Variants in LPIN1 observed in about 807,000 individuals in gnomAD.
LPIN1 encodes the protein phosphatidate phosphatase LPIN1.
A neutral mutation model predicts 107.5 loss-of-function variants in LPIN1; 71 were observed. That is an observed-to-expected ratio of 0.66 (90% CI 0.55 to 0.80). The LOEUF is 0.80. Ranked by LOEUF, LPIN1 falls within the 30% of genes least tolerant of loss-of-function variation. LPIN1 has a pLI of 0.00. For synonymous variants in LPIN1, 445 were observed against 452.6 expected, an observed-to-expected ratio of 0.98 and a Z score of 0.21; for missense variants, 1,043 against 1,160.6, an observed-to-expected ratio of 0.90 and a Z score of 1.47.
At chr2:11,772,406 T>A (rs1296903896) in intron 4 of LPIN1, among the ~76,000 whole-genome samples, 1 of 152,214 alleles carries the variant, frequency 6.6e-6, no homozygotes, top group Middle Eastern at 3.2e-3. Flanking sequence ...GGCTGATCGC[T>A]TTAGCAGCCT....
At chr2:11,788,627 G>T (rs1182391669) in intron 12 of LPIN1, among the ~76,000 whole-genome samples, 171 bp downstream of exon 12, 2 of 152,204 alleles carry the variant, frequency 1.3e-5, no homozygotes. Context: ...CTTGCACCTT[G>T]CACGTGGTTG....
chr2:11,726,870 G>A lies in LPIN1; in HGVS notation c.-72+2331G>A, dbSNP rs949243987. 5.3e-5 allele frequency among the ~76,000 whole-genome samples: 8 copies of A among 152,198 alleles called. 1 individual carries two copies. In the South Asian group the frequency reaches 6.2e-4, roughly 12 times the overall value. The stretch of plus-strand genomic sequence containing the variant: ...TTCATGATCTTGACACTTTTGAAGC[G>A]TGCTTGTCAGTCATCTTGTTAGAGG... On this transcript the variant is annotated intron_variant, in intron 1 of 21. Transcript: ENST00000396097.
At chr2:11,762,381 G>A (rs543916315) in intron 1 of LPIN1, among the ~76,000 whole-genome samples, 5 of 149,332 alleles carry the variant, frequency 3.3e-5, no homozygotes, top group East Asian at 2.0e-4. Context: ...TTAACTCATC[G>A]GCCATTGATT....
chr2:11,693,811 TA>T (rs1558723645), intron 1 of LPIN1, among the ~76,000 whole-genome samples: 43 of 35,786 alleles, frequency 1.2e-3, no homozygotes, highest in Non-Finnish European at 1.8e-3. Flanking sequence ...TATATATATA[TA>T]TATATATATA....
intron 1 of LPIN1, among the ~76,000 whole-genome samples, chr2:11,753,455 T>G (rs1668172436): frequency 6.6e-6 from 1 of 152,196 alleles, no homozygotes; most frequent in South Asian, 2.1e-4. Context: ...CTCTTCTGTT[T>G]AAGAAGCTCC....
chr2:11,807,565 ATCT>A (rs1463542864), intron 17 of LPIN1, among the ~76,000 whole-genome samples: 2 of 146,652 alleles, frequency 1.4e-5, no homozygotes, highest in Non-Finnish European at 3.0e-5. Context: ...CAGAAGAGAG[ATCT>A]TCTTGAAAAA....
intron 9 of LPIN1, chr2:11,784,662 G>T (rs894692331): frequency 2.1e-5 from 13 of 619,788 alleles, no homozygotes; most frequent in Non-Finnish European, 3.2e-5. Context: ...TATTTTAGGG[G>T]GATACAGGGA....
intron 1 of LPIN1, among the ~76,000 whole-genome samples, chr2:11,752,064 G>A (rs4315495): frequency 0.44 from 67,095 of 151,936 alleles, 15,507 homozygotes; most frequent in African/African-American, 0.56. Flanking sequence ...AGTTATTTCT[G>A]ATTTTCCCTA....
At chr2:11,724,557 C>A in intron 1 of LPIN1, 1 of 985,566 alleles carries the variant, frequency 1.0e-6, no homozygotes, top group East Asian at 1.1e-4. Context: ...TGAGCAGGGG[C>A]CTTTATCTGA....
chr2:11,776,936 A>G (rs1672763816), intron 6 of LPIN1, among the ~76,000 whole-genome samples: 1 of 152,248 alleles, frequency 6.6e-6, no homozygotes, highest in African/African-American at 2.4e-5. Flanking sequence ...TACTTCATTC[A>G]GAGGCTACAT....
chr2:11,737,269 AC>A, intron 1 of LPIN1, among the ~76,000 whole-genome samples: 1 of 152,356 alleles, frequency 6.6e-6, no homozygotes. Flanking sequence ...AAGACCTAAA[AC>A]CATAAAAACC....
In LPIN1 at chr2:11,825,311, T is replaced by C. The variant is rs1682230035; in HGVS notation, c.*520T>C. ...TCATGTGACCTGGATCTGAGGTCTC[T>C]GATAGAAATCTGGACGCCACCGGGT... is the stretch of plus-strand genomic sequence containing the variant. On this transcript the variant is annotated 3_prime_UTR_variant, in exon 21 of 21. Coordinates refer to ENST00000674199, the MANE Select transcript of LPIN1 (RefSeq NM_001349206.2). This position sits in a 1 kb window ranked among gnomAD's most constrained non-coding sequence, Gnocchi z 4.1. 3 of 162,898 alleles carry C rather than the reference T, an allele frequency of 1.8e-5. No individual in the cohort carries two copies. Among genetic ancestry groups the C allele is most frequent in the Non-Finnish European group, 4.0e-5 (3 of 74,110 alleles). The allele number at this position is 162,898 out of a possible 1,614,324, so 10.1% of individuals were successfully genotyped here.
At chr2:11,694,099 G>T (rs1662450422) in intron 1 of LPIN1, among the ~76,000 whole-genome samples, 1 of 151,906 alleles carries the variant, frequency 6.6e-6, no homozygotes, top group Non-Finnish European at 1.5e-5. Flanking sequence ...CTCCCAAAGT[G>T]CTGGGATTAC....
Position 11,795,411 on chromosome 2 carries a change from A to G in LPIN1, c.1810A>G (p.Ser604Gly), listed in dbSNP as rs1676508937. The change falls in exon 14 of 21, where the codon AGT becomes GGT. Residue 604 changes from serine (S) to glycine (G), a missense_variant. Transcript: ENST00000674199. ...RGRNTTIKEE[S>G]KPEQCLAGKA... ...TCTTTCTTTTCTTCTTTTCTAGGAA[A>G]GTAAGCCAGAGCAGTGCTTGGCTGG... 1 of 1,613,494 alleles carries G rather than the reference A, an allele frequency of 6.2e-7. No individual in the cohort carries two copies. Among genetic ancestry groups the G allele is most frequent in the Non-Finnish European group, 8.5e-7 (1 of 1,179,666 alleles).
At chr2:11,777,702 T>A (rs1672893758) in intron 6 of LPIN1, among the ~76,000 whole-genome samples, 1 of 152,200 alleles carries the variant, frequency 6.6e-6, no homozygotes, top group Non-Finnish European at 1.5e-5. Flanking sequence ...ACTGGGCTCT[T>A]TACAGAAAAT....
intron 7 of LPIN1, among the ~76,000 whole-genome samples, chr2:11,781,183 C>T (rs1379607768): frequency 6.6e-6 from 1 of 152,140 alleles, no homozygotes; most frequent in African/African-American, 2.4e-5. Flanking sequence ...AGATGGGCAG[C>T]TTTTTGGAGA....
At position 11,820,387 on chromosome 2, in the gene LPIN1, T is replaced by G. The variant is rs1164981625; in HGVS notation, c.2518-24T>G. The G allele has an allele frequency of 4.1e-6, 6 of 1,472,600 alleles. No individual in the cohort carries two copies. The Admixed American group carries it at 1.0e-4, about 25-fold the overall frequency. 91.2% of individuals were successfully genotyped at this position (1,472,600 alleles called of 1,614,324 possible). On this transcript the variant is annotated intron_variant, in intron 19 of 20. Coordinates refer to ENST00000674199, the MANE Select transcript of LPIN1 (RefSeq NM_001349206.2). ...AATGAACTCTTTTCTAATGAACACT[T>G]TAAATCACCTTTACCAAATATAGGA...
At chr2:11,713,428 G>A (rs1056310257) in intron 1 of LPIN1, among the ~76,000 whole-genome samples, 2 of 152,164 alleles carry the variant, frequency 1.3e-5, no homozygotes, top group Admixed American at 1.3e-4. Flanking sequence ...CCAGCACCAT[G>A]CCAAGCTAAT....
chr2:11,677,788 C>G, intron 1 of LPIN1: 1 of 1,407,200 alleles, frequency 7.1e-7, no homozygotes, highest in Non-Finnish European at 9.7e-7. Context: ...CCTTCCATCC[C>G]CAGGTGCCCG....
Sources: gnomAD v4.1 joint callset for allele counts (sites outside exome capture counted in the v4.1 genomes callset) on GRCh38, gnomAD v4.1.1 for gene constraint, Gnocchi (gnomAD v3.1) non-coding constraint, MANE v1.5 for transcripts, NCBI Gene and HGNC (gene_info 2026-07-23, HGNC 2026-07-21) for gene names.